Variants in DMD observed in about 807,000 individuals in gnomAD.
The protein encoded by DMD is dystrophin.
A neutral mutation model predicts 330.1 loss-of-function variants in DMD; 63 were observed. The observed-to-expected ratio is 0.19, with a 90% CI of 0.16 to 0.24. The LOEUF is 0.24. Ranked by LOEUF, DMD falls within the 10% of genes least tolerant of loss-of-function variation. The probability of loss-of-function intolerance (pLI) is 1.00; values close to 1 mark genes in which losing one functional copy is unlikely to be tolerated. For missense variants in DMD, 3,344 were observed against 2,684.1 expected (o/e 1.25, Z -5.43); for synonymous variants, 1,223 against 959.8 (o/e 1.27, Z -5.07).
chrX:33,111,043 A>T (rs756398263), intron 1 of DMD, among the ~76,000 whole-genome samples: 13 of 111,716 alleles, frequency 1.2e-4, no homozygotes, highest in Non-Finnish European at 2.1e-4. Flanking sequence ...AATTAAAATT[A>T]AAAAGCTACT....
rs975090916 is a variant in DMD, at chrX:33,070,116, C to T, written c.32-49916G>A. Among the ~76,000 whole-genome samples, 5 of 111,233 alleles carry T rather than the reference C, an allele frequency of 4.5e-5. No individual in the cohort carries two copies. In the East Asian group the frequency reaches 1.4e-3, roughly 31 times the overall value. Reference sequence around the variant, plus strand: ...CTGGAAAAAGCCTGCTAGCAGATTGCCTAGAAAGAAAAATGAAGCCATTCT... The same window carrying T: ...CTGGAAAAAGCCTGCTAGCAGATTGTCTAGAAAGAAAAATGAAGCCATTCT... On this transcript the variant is annotated intron_variant, in intron 1 of 78. Transcript: ENST00000357033.
intron 2 of DMD, among the ~76,000 whole-genome samples, chrX:32,961,352 A>G (rs943571041): frequency 9.0e-6 from 1 of 111,188 alleles, no homozygotes; most frequent in Admixed American, 9.7e-5. Flanking sequence ...ATTTAACCTC[A>G]GCATTCAATT....
At chrX:32,126,346 C>A (rs777916964) in intron 44 of DMD, among the ~76,000 whole-genome samples, 1 of 111,936 alleles carries the variant, frequency 8.9e-6, no homozygotes, top group African/African-American at 3.2e-5. Flanking sequence ...TTGACATAGA[C>A]GGCACTTTCA....
chrX:32,037,327 T>C (rs2095956820), intron 44 of DMD, among the ~76,000 whole-genome samples: 1 of 111,825 alleles, frequency 8.9e-6, no homozygotes, highest in Admixed American at 9.5e-5. Flanking sequence ...ACACAAAATA[T>C]TTTACCAAGT....
Position 31,774,052 on chromosome X carries a change from C to T in DMD, c.7450G>A (p.Asp2484Asn), listed in dbSNP as rs773102625. ...ACTTGATCAAGCAGAGAAAGCCAGT[C>T]GGTAAGTTCTGTCCAAGCCCGGTTG... is the stretch of plus-strand genomic sequence containing the variant. Reference protein sequence around the residue: ...DFNRAWTELTDWLSLLDQVIK... With the variant: ...DFNRAWTELTNWLSLLDQVIK... The change falls in exon 51 of 79, where the codon GAC (aspartate) becomes AAC (asparagine). Residue 2484 changes from aspartate to asparagine, a missense_variant. Transcript: ENST00000357033. The T allele has an allele frequency of 5.8e-6, 7 of 1,208,015 alleles. No homozygotes were observed. The highest frequency in any genetic ancestry group is 3.5e-5 in the South Asian group (2 of 56,674).
At chrX:31,673,473 C>T (rs529692081) in intron 53 of DMD, among the ~76,000 whole-genome samples, 1 of 110,567 alleles carries the variant, frequency 9.0e-6, no homozygotes, top group East Asian at 2.8e-4. Context: ...AATAGTTGGG[C>T]GTGGTGGAAT....
chrX:33,328,491 C>T (rs904794214), intron 1 of DMD, among the ~76,000 whole-genome samples: 16 of 111,380 alleles, frequency 1.4e-4, no homozygotes, highest in African/African-American at 4.6e-4. Flanking sequence ...CCACCACGCC[C>T]GGCCCATACA....
intron 17 of DMD, among the ~76,000 whole-genome samples, chrX:32,533,487 A>T (rs1209348086): frequency 1.8e-5 from 2 of 111,800 alleles, no homozygotes; most frequent in African/African-American, 6.5e-5. Flanking sequence ...ATCCAGTCAG[A>T]TGCTAATTTT....
chrX:33,064,469 A>G (rs1260700947), intron 1 of DMD, among the ~76,000 whole-genome samples: 2 of 112,341 alleles, frequency 1.8e-5, no homozygotes, highest in South Asian at 7.2e-4. Flanking sequence ...AGAGTCTTTC[A>G]ATTAAAATTG....
rs777640181 is a variant in DMD at position 32,571,136 on chromosome X, G to A, written c.1812+2394C>T. 2.2e-4 allele frequency among the ~76,000 whole-genome samples: 25 copies of A among 111,561 alleles called. No homozygotes were observed. The South Asian group carries it at 4.1e-3, about 18-fold the overall frequency. Reference sequence around the variant, plus strand: ...CTGACCATCACCATTATGATTGACCGTCTGAAGCACATGATTCTGTATTTA... The same window carrying A: ...CTGACCATCACCATTATGATTGACCATCTGAAGCACATGATTCTGTATTTA... On this transcript the variant is annotated intron_variant, in intron 15 of 78. Coordinates refer to ENST00000357033, the MANE Select transcript of DMD (RefSeq NM_004006.3).
At chrX:31,437,603 C>T (rs973246906) in intron 60 of DMD, among the ~76,000 whole-genome samples, 2 of 110,672 alleles carry the variant, frequency 1.8e-5, no homozygotes, top group African/African-American at 6.6e-5. Flanking sequence ...AGAAACACTG[C>T]CCATTGTTGT....
At chrX:32,739,532 G>GA in intron 7 of DMD, among the ~76,000 whole-genome samples, 1 of 111,632 alleles carries the variant, frequency 9.0e-6, no homozygotes, top group South Asian at 3.7e-4. Flanking sequence ...GAATGATTTG[G>GA]AAAAGGTTTG....
chrX:31,442,109 A>C (rs2149063881), intron 60 of DMD, among the ~76,000 whole-genome samples: 1 of 112,059 alleles, frequency 8.9e-6, no homozygotes, highest in Non-Finnish European at 1.9e-5. Flanking sequence ...TACAAGGAGA[A>C]ATATAATTTC....
At chrX:31,736,705 T>C (rs1038769209) in intron 51 of DMD, among the ~76,000 whole-genome samples, 1 of 111,641 alleles carries the variant, frequency 9.0e-6, no homozygotes, top group Non-Finnish European at 1.9e-5. Flanking sequence ...TGTGTAATAA[T>C]ACAATGGGAA....
intron 44 of DMD, among the ~76,000 whole-genome samples, chrX:31,969,037 C>G (rs1798586072): frequency 9.0e-6 from 1 of 111,122 alleles, no homozygotes; most frequent in Admixed American, 9.6e-5. Flanking sequence ...ATTTCAAATT[C>G]TGTCTGCGTC....
At chrX:31,745,260 A>G (rs2087727295) in intron 51 of DMD, among the ~76,000 whole-genome samples, 1 of 111,310 alleles carries the variant, frequency 9.0e-6, no homozygotes, top group Admixed American at 9.6e-5. Flanking sequence ...TGGGAAGGGC[A>G]GCTGTGTAAT....
At chrX:32,804,131 T>C (rs2076786159) in intron 7 of DMD, among the ~76,000 whole-genome samples, 1 of 110,914 alleles carries the variant, frequency 9.0e-6, no homozygotes, top group African/African-American at 3.3e-5. Flanking sequence ...GACAGAACCG[T>C]TCACTCCCCT....
intron 37 of DMD, among the ~76,000 whole-genome samples, chrX:32,357,932 G>A (rs1436335558): frequency 9.2e-6 from 1 of 108,690 alleles, no homozygotes; most frequent in Admixed American, 1.0e-4. Context: ...CCTCCTCTGT[G>A]TTGCTGGAGT....
intron 22 of DMD, among the ~76,000 whole-genome samples, chrX:32,471,722 A>G (rs982773389): frequency 3.6e-5 from 4 of 111,912 alleles, no homozygotes; most frequent in African/African-American, 1.3e-4. Context: ...AAGGACTTGA[A>G]CATCTGTGAA....
Sources: gnomAD v4.1 joint callset for allele counts (sites outside exome capture counted in the v4.1 genomes callset) on GRCh38, gnomAD v4.1.1 for gene constraint, MANE v1.5 for transcripts, NCBI Gene and HGNC (gene_info 2026-07-23, HGNC 2026-07-21) for gene names.